Variants in VWA3A observed in about 807,000 individuals in gnomAD.
VWA3A encodes the protein von Willebrand factor A domain containing 3A, also known as von Willebrand factor A domain-containing protein 3A.
VWA3A carries 134 observed loss-of-function variants against 160.4 expected under a neutral mutation model. The ratio of observed to expected loss-of-function variants is 0.84; its 90% confidence interval spans 0.73 to 0.96. VWA3A has a LOEUF of 0.96. Among genes scored for constraint, VWA3A ranks in the 40% least tolerant of loss-of-function variants. VWA3A has a pLI of 0.00. For missense variants in VWA3A, 1,310 were observed against 1,447.9 expected (o/e 0.90, Z 1.55); for synonymous variants, 476 against 543.4 (o/e 0.88, Z 1.72).
rs1416182799 is a variant in VWA3A, at chr16:22,096,870, T to C, written c.26T>C (p.Ile9Thr). The C allele has an allele frequency of 7.1e-6, 11 of 1,546,424 alleles. No individual in the cohort carries two copies. In the Admixed American group the frequency reaches 7.9e-5, roughly 11 times the overall value. Residue 9 changes from isoleucine to threonine, a missense_variant, in exon 2 of 34, where the codon ATT becomes ACT. By Grantham distance (89) the Ile-to-Thr change is moderately conservative (BLOSUM62 -1). Coordinates refer to ENST00000389398, the MANE Select transcript of VWA3A (RefSeq NM_173615.5). MKKYRKIS[I>T]GCFAMATQTS... The stretch of plus-strand genomic sequence containing the variant: ...CTTTTCTTCTTTAGGAAAATAAGCA[T>C]TGGGTGTTTTGCAATGGCTACACAA...
intron 17 of VWA3A, among the ~76,000 whole-genome samples, chr16:22,126,845 T>C (rs1317482239): frequency 1.3e-5 from 2 of 151,912 alleles, no homozygotes; most frequent in Admixed American, 1.3e-4. Flanking sequence ...CCATCTGTGT[T>C]TTAATAAATA....
At chr16:22,112,019 G>T (rs982045148) in intron 8 of VWA3A, among the ~76,000 whole-genome samples, 6 of 152,132 alleles carry the variant, frequency 3.9e-5, no homozygotes, top group Non-Finnish European at 8.8e-5. Context: ...ACATAACACT[G>T]CTCTGTACCT....
intron 28 of VWA3A, among the ~76,000 whole-genome samples, chr16:22,149,450 G>T (rs1436078515): frequency 6.6e-6 from 1 of 152,100 alleles, no homozygotes; most frequent in Non-Finnish European, 1.5e-5. Flanking sequence ...TCACTATGTT[G>T]CCCAGGCTGG....
intron 31 of VWA3A, among the ~76,000 whole-genome samples, chr16:22,154,996 A>G (rs1025464864): frequency 1.6e-5 from 2 of 125,544 alleles, no homozygotes; most frequent in Admixed American, 1.7e-4. Context: ...AAAAAAAAAA[A>G]AGCATGCCTC....
At chr16:22,109,431 G>A (rs2045523744) in intron 6 of VWA3A, 51 bp from the exon 7 acceptor site, 2 of 1,442,032 alleles carry the variant, frequency 1.4e-6, no homozygotes, top group Non-Finnish European at 1.9e-6. Context: ...CTCAGTGTAG[G>A]AGACACACAG....
chr16:22,142,053 A>C (rs1010909424), intron 24 of VWA3A, among the ~76,000 whole-genome samples: 1 of 152,202 alleles, frequency 6.6e-6, no homozygotes, highest in Non-Finnish European at 1.5e-5. Flanking sequence ...GATCCCAAGA[A>C]CAATTCATTG....
Position 22,149,867 on chromosome 16 carries a change from A to G in VWA3A, c.3065A>G (p.Glu1022Gly), listed in dbSNP as rs770028556. The change falls in exon 29 of 34, where the codon GAG becomes GGG. Residue 1022 changes from glutamate (E) to glycine (G), a missense_variant. Coordinates refer to ENST00000389398, the MANE Select transcript of VWA3A (RefSeq NM_173615.5). ...LVETTDAACH[E>G]AMQWVTHLQA... ...GAGACCACAGATGCAGCGTGTCATG[A>G]GGCTATGCAATGGGTGACCCACCTG... 1 of 1,612,716 alleles carries G rather than the reference A, an allele frequency of 6.2e-7. No homozygotes were observed. Among genetic ancestry groups the G allele is most frequent in the Non-Finnish European group, 8.5e-7 (1 of 1,179,166 alleles).
chr16:22,092,700 G>T, intron 1 of VWA3A, 49 bp downstream of exon 1: 1 of 1,548,888 alleles, frequency 6.5e-7, no homozygotes, highest in South Asian at 1.2e-5. Flanking sequence ...GAGGGTGTCG[G>T]GGAGGCCAGA....
chr16:22,125,624 C>T (rs1024481006), intron 16 of VWA3A, among the ~76,000 whole-genome samples: 2 of 151,848 alleles, frequency 1.3e-5, no homozygotes, highest in Admixed American at 1.3e-4. Context: ...AGGGTTTCAC[C>T]ATGTTAGCCA....
At position 22,121,050 on chromosome 16, in the gene VWA3A, T is replaced by C. The variant is rs768631418; in HGVS notation, c.1199T>C (p.Phe400Ser). The C allele has an allele frequency of 1.7e-5, 28 of 1,613,862 alleles. No individual in the cohort carries two copies. Among genetic ancestry groups the C allele is most frequent in the Non-Finnish European group, 2.3e-5 (27 of 1,179,890 alleles). The change falls in exon 13 of 34, where the codon TTT (phenylalanine) becomes TCT (serine). Residue 400 changes from phenylalanine (F) to serine (S), a missense_variant. Physicochemically the swap from Phe to Ser is radical, Grantham distance 155 (BLOSUM62 -2). Coordinates refer to ENST00000389398, the MANE Select transcript of VWA3A (RefSeq NM_173615.5). ...CATGACGCTCCTCTCACCATTGAGT[T>C]TCCAAACTTGGACAAGACTTCTGCA... is the stretch of plus-strand genomic sequence containing the variant. Reference protein sequence around the residue: ...PKHDAPLTIEFPNLDKTSAEW... With the variant: ...PKHDAPLTIESPNLDKTSAEW...
At chr16:22,150,032 A>G in intron 29 of VWA3A, 101 bp downstream of exon 29, 2 of 1,434,148 alleles carry the variant, frequency 1.4e-6, no homozygotes, top group Non-Finnish European at 1.9e-6. Flanking sequence ...GGCGCTTTAT[A>G]ATTTACAAAG....
intron 31 of VWA3A, 42 bp from the exon 32 acceptor site, chr16:22,155,525 C>A: frequency 1.9e-6 from 3 of 1,578,492 alleles, no homozygotes; most frequent in Non-Finnish European, 2.6e-6. Flanking sequence ...ATTTTCAGCT[C>A]CCATCCAGTC....
chr16:22,115,895 A>G lies in VWA3A; in HGVS notation c.815+423A>G, dbSNP rs189430434. Among the ~76,000 whole-genome samples, 10 of 34,568 alleles carry G rather than the reference A, an allele frequency of 2.9e-4. No homozygotes were observed. In the East Asian group the frequency reaches 0.016, roughly 55 times the overall value. 22.7% of individuals were successfully genotyped at this position (34,568 alleles called of 152,430 possible). ...GAAGGAAGGAAGGAAGGAAGGAAGG[A>G]AGGAAGGAAGGAAGGAAGGAAGGAA... On this transcript the variant is annotated intron_variant, in intron 9 of 33. Coordinates refer to ENST00000389398, the MANE Select transcript of VWA3A (RefSeq NM_173615.5).
chr16:22,103,598 A>C, intron 6 of VWA3A, 69 bp downstream of exon 6: 1 of 1,521,784 alleles, frequency 6.6e-7, no homozygotes. Flanking sequence ...GAACCCTTTC[A>C]GTTGCAAATG....
chr16:22,142,876 C>T (rs1238169663), intron 25 of VWA3A, 111 bp downstream of exon 25: 3 of 776,806 alleles, frequency 3.9e-6, no homozygotes, highest in East Asian at 3.0e-5. Flanking sequence ...ACAAGCCAGG[C>T]ACAGTGACTC....
At chr16:22,121,671 C>A in intron 14 of VWA3A, 54 bp downstream of exon 14, 1 of 1,349,968 alleles carries the variant, frequency 7.4e-7, no homozygotes, top group Non-Finnish European at 1.1e-6. Flanking sequence ...TCCCTTGTGG[C>A]TTTTCCTACC....
chr16:22,123,256 G>A, intron 15 of VWA3A, 91 bp downstream of exon 15: 1 of 1,276,024 alleles, frequency 7.8e-7, no homozygotes, highest in Non-Finnish European at 1.1e-6. Flanking sequence ...CCAAGCCATT[G>A]ACTCAACTCC....
In VWA3A at chr16:22,129,128, G is replaced by A. The variant is rs1242814547; in HGVS notation, c.1653-2077G>A. 5.3e-5 allele frequency among the ~76,000 whole-genome samples: 8 copies of A among 151,164 alleles called. No homozygotes were observed. In the East Asian group the frequency reaches 1.6e-3, roughly 30 times the overall value. Reference sequence around the variant, plus strand: ...ATGGAGGCTGGGTACAGTGGCTCACGCTTGTAATCCCAGCACTTTGAGAGG... The same window carrying A: ...ATGGAGGCTGGGTACAGTGGCTCACACTTGTAATCCCAGCACTTTGAGAGG... On this transcript the variant is annotated intron_variant, in intron 17 of 33. Transcript: ENST00000389398.
chr16:22,140,261 G>A lies in VWA3A; in HGVS notation c.2383+17G>A. The A allele has an allele frequency of 6.2e-7, 1 of 1,611,490 alleles. No homozygotes were observed. The highest frequency in any genetic ancestry group is 8.5e-7 in the Non-Finnish European group (1 of 1,178,372). ...TCTCACCAGGTAAGGCACCATCACG[G>A]TCAGGCAGGGTGGAGGGATGTCACG... On this transcript the variant is annotated intron_variant, in intron 23 of 33. Coordinates refer to ENST00000389398, the MANE Select transcript of VWA3A (RefSeq NM_173615.5).
Sources: allele counts gnomAD v4.1 joint callset (sites outside exome capture counted in the v4.1 genomes callset), GRCh38; gene constraint gnomAD v4.1.1; transcripts MANE v1.5; gene names NCBI Gene and HGNC (gene_info 2026-07-23, HGNC 2026-07-21).